The following PPIL4 variants were observed in gnomAD, a reference collection of about 807,000 sequenced individuals.
The protein encoded by PPIL4 is peptidylprolyl isomerase like 4.
PPIL4 carries 50 observed loss-of-function variants against 69.1 expected under a neutral mutation model. The observed-to-expected ratio is 0.72, with a 90% CI of 0.58 to 0.92. The LOEUF (loss-of-function observed/expected upper bound fraction) is 0.92, where lower values mean the gene tolerates loss of function less well. Among genes scored for constraint, PPIL4 ranks in the 40% least tolerant of loss-of-function variants. The probability of loss-of-function intolerance (pLI) is 0.00; values close to 1 mark genes in which losing one functional copy is unlikely to be tolerated. For missense variants in PPIL4, 480 were observed against 587.9 expected, an observed-to-expected ratio of 0.82 and a Z score of 1.90; for synonymous variants, 193 against 191.6, an observed-to-expected ratio of 1.01 and a Z score of -0.06.
At chr6:149,513,813 T>A (rs998692956) in intron 11 of PPIL4, among the ~76,000 whole-genome samples, 1 of 152,146 alleles carries the variant, frequency 6.6e-6, no homozygotes, top group Non-Finnish European at 1.5e-5. Flanking sequence ...CAGAGATAAG[T>A]ATTTTCTTAA....
At chr6:149,525,071 C>G in intron 9 of PPIL4, 72 bp downstream of exon 9, 1 of 780,004 alleles carries the variant, frequency 1.3e-6, no homozygotes, top group South Asian at 1.8e-5. Context: ...AGAAAAAGTT[C>G]TATAATTTTT....
chr6:149,537,564 G>A (rs1027282075), intron 4 of PPIL4, among the ~76,000 whole-genome samples: 3 of 152,018 alleles, frequency 2.0e-5, no homozygotes, highest in African/African-American at 4.8e-5. Flanking sequence ...AAAATTAGCC[G>A]GGCGTGGTGG....
chr6:149,530,983 G>A (rs573517058), intron 7 of PPIL4, among the ~76,000 whole-genome samples: 2 of 152,286 alleles, frequency 1.3e-5, no homozygotes, highest in Admixed American at 1.3e-4. Context: ...GACCTCTGAG[G>A]ACACAACATC....
At chr6:149,518,918 T>A (rs1236573338) in intron 10 of PPIL4, among the ~76,000 whole-genome samples, 1 of 152,220 alleles carries the variant, frequency 6.6e-6, no homozygotes, top group African/African-American at 2.4e-5. Context: ...ATCATCAGAC[T>A]ATAAAGGAAA....
At chr6:149,523,647 T>C (rs1777063891) in intron 9 of PPIL4, among the ~76,000 whole-genome samples, 1 of 150,794 alleles carries the variant, frequency 6.6e-6, no homozygotes, top group African/African-American at 2.4e-5. Context: ...GCTGAGATCA[T>C]GCGACTACAC....
rs985240854 is a variant in PPIL4, at chr6:149,546,016, C to T, written c.-11G>A. On this transcript the variant is annotated 5_prime_UTR_variant, in exon 1 of 13. Transcript: ENST00000253329. The stretch of plus-strand genomic sequence containing the variant: ...CAGTAGAACCGCCATGGCGCCCGCT[C>T]CTCCTCCGCTACAAACCCCGGGAGG... 1 of 1,568,812 alleles carries T rather than the reference C, an allele frequency of 6.4e-7. No homozygotes were observed. The highest frequency in any genetic ancestry group is 1.4e-5 in the African/African-American group (1 of 73,666).
intron 11 of PPIL4, among the ~76,000 whole-genome samples, chr6:149,515,176 C>T (rs1484239206): frequency 1.3e-5 from 2 of 150,116 alleles, no homozygotes. Flanking sequence ...AAATGGAGAC[C>T]GGGTCTCGCT....
At chr6:149,508,043 G>C (rs937515400) in intron 12 of PPIL4, among the ~76,000 whole-genome samples, 3 of 152,220 alleles carry the variant, frequency 2.0e-5, no homozygotes, top group Non-Finnish European at 4.4e-5. Flanking sequence ...ATGAAGCCAT[G>C]TAAGAGGAGA....
chr6:149,540,491 T>C (rs2115040627), intron 4 of PPIL4, among the ~76,000 whole-genome samples: 1 of 152,204 alleles, frequency 6.6e-6, no homozygotes, highest in Middle Eastern at 3.4e-3. Context: ...GGCAGGCGCA[T>C]GTAATCCCAG....
chr6:149,519,495 T>C (rs1201657256), intron 10 of PPIL4, among the ~76,000 whole-genome samples: 1 of 152,174 alleles, frequency 6.6e-6, no homozygotes, highest in Non-Finnish European at 1.5e-5. Flanking sequence ...AAAATCTTAG[T>C]GCTTCAATTT....
intron 4 of PPIL4, among the ~76,000 whole-genome samples, chr6:149,537,808 A>C (rs566936443): frequency 6.6e-6 from 1 of 152,230 alleles, no homozygotes; most frequent in African/African-American, 2.4e-5. Context: ...GGGTTTATCA[A>C]ATATTTTAAG....
At chr6:149,514,291 T>C (rs934646116) in intron 11 of PPIL4, among the ~76,000 whole-genome samples, 2 of 152,202 alleles carry the variant, frequency 1.3e-5, no homozygotes, top group Admixed American at 1.3e-4. Flanking sequence ...TATGATTTCA[T>C]CCTAATGTGT....
chr6:149,506,588 A>C (rs1281489911), intron 12 of PPIL4, among the ~76,000 whole-genome samples: 1 of 152,190 alleles, frequency 6.6e-6, no homozygotes, highest in Non-Finnish European at 1.5e-5. Flanking sequence ...TTAGAAAGAC[A>C]GAAGTTAGAG....
intron 4 of PPIL4, among the ~76,000 whole-genome samples, chr6:149,538,553 C>T (rs1053318188): frequency 1.3e-5 from 2 of 152,118 alleles, no homozygotes; most frequent in African/African-American, 4.8e-5. Context: ...ACATTGAAAA[C>T]CTTCTGAAAA....
chr6:149,525,236 TAAA>T (rs747605524), intron 8 of PPIL4, 27 bp from the exon 9 acceptor site: 294 of 948,312 alleles, frequency 3.1e-4, no homozygotes, highest in South Asian at 5.7e-4. Flanking sequence ...AAAAGTGACT[TAAA>T]AAAAAAAAAA....
chr6:149,518,947 G>A (rs540868534), intron 10 of PPIL4, among the ~76,000 whole-genome samples: 112 of 152,248 alleles, frequency 7.4e-4, no homozygotes, highest in African/African-American at 2.7e-3. Context: ...TGCTGTGAAT[G>A]GCACATTATA....
chr6:149,524,421 A>G (rs1777076094), intron 9 of PPIL4, among the ~76,000 whole-genome samples: 1 of 152,250 alleles, frequency 6.6e-6, no homozygotes, highest in Admixed American at 6.5e-5. Flanking sequence ...TAAGAAGGTA[A>G]GACCTAGAAA....
intron 1 of PPIL4, among the ~76,000 whole-genome samples, chr6:149,542,904 G>C (rs944027770): frequency 6.6e-6 from 1 of 152,214 alleles, no homozygotes; most frequent in Non-Finnish European, 1.5e-5. Flanking sequence ...GAAAAGACTG[G>C]AGAGATAAGA....
chr6:149,513,786 G>A (rs1050492403), intron 11 of PPIL4, among the ~76,000 whole-genome samples: 3 of 151,698 alleles, frequency 2.0e-5, no homozygotes, highest in Admixed American at 1.3e-4. Context: ...TGTTAAAAAT[G>A]TTTTAATGTT....
Sources: gnomAD v4.1 joint callset for allele counts (sites outside exome capture counted in the v4.1 genomes callset) on GRCh38, gnomAD v4.1.1 for gene constraint, MANE v1.5 for transcripts, NCBI Gene and HGNC (gene_info 2026-07-23, HGNC 2026-07-21) for gene names.